The following ARID2 variants were observed in gnomAD, a reference collection of about 807,000 sequenced individuals.
ARID2 encodes the protein AT-rich interactive domain-containing protein 2.
ARID2 carries 32 observed loss-of-function variants against 184.6 expected under a neutral mutation model. The observed-to-expected ratio is 0.17, with a 90% CI of 0.13 to 0.23. The LOEUF is 0.23. Among genes scored for constraint, ARID2 ranks in the 10% least tolerant of loss-of-function variants. The probability of loss-of-function intolerance (pLI) is 1.00; values close to 1 mark genes in which losing one functional copy is unlikely to be tolerated. For synonymous variants in ARID2, 836 were observed against 772.6 expected (o/e 1.08, Z -1.36); for missense variants, 1,696 against 2,197.6 (o/e 0.77, Z 4.56).
intron 5 of ARID2, among the ~76,000 whole-genome samples, chr12:45,820,701 A>G (rs1330940959): frequency 6.6e-6 from 1 of 152,214 alleles, no homozygotes; most frequent in Non-Finnish European, 1.5e-5. Context: ...ATACTGCTTT[A>G]TAGTCTGATC....
chr12:45,875,379 C>G (rs570104835), intron 16 of ARID2, among the ~76,000 whole-genome samples: 2 of 152,318 alleles, frequency 1.3e-5, no homozygotes, highest in Non-Finnish European at 2.9e-5. Flanking sequence ...TGATGTTGCC[C>G]AGGCAATGTA....
chr12:45,766,167 T>C (rs1006558655), intron 3 of ARID2, among the ~76,000 whole-genome samples: 2 of 152,158 alleles, frequency 1.3e-5, no homozygotes, highest in African/African-American at 4.8e-5. Flanking sequence ...TAGGCATATA[T>C]TTAACTTTTT....
At chr12:45,758,394 CT>C (rs1225981426) in intron 3 of ARID2, among the ~76,000 whole-genome samples, 1 of 151,040 alleles carries the variant, frequency 6.6e-6, no homozygotes, top group Non-Finnish European at 1.5e-5. Context: ...TTTTGTGCGA[CT>C]TTTTTTTAAG....
At chr12:45,810,991 C>T (rs1241471779) in intron 3 of ARID2, among the ~76,000 whole-genome samples, 2 of 151,938 alleles carry the variant, frequency 1.3e-5, no homozygotes, top group African/African-American at 2.4e-5. Flanking sequence ...GGGTGGGTCA[C>T]GAGGTCAGGA....
At chr12:45,742,251 A>G (rs1265323382) in intron 3 of ARID2, among the ~76,000 whole-genome samples, 1 of 152,238 alleles carries the variant, frequency 6.6e-6, no homozygotes, top group Non-Finnish European at 1.5e-5. Context: ...TCATAAGAAT[A>G]TAATATTTTT....
rs182923327 is a variant in ARID2 at position 45,852,794 on chromosome 12, A to G, written c.4671A>G (p.Pro1557=). 8 of 1,614,036 alleles carry G rather than the reference A, an allele frequency of 5.0e-6. No individual in the cohort carries two copies. The Admixed American group carries it at 5.0e-5, about 10-fold the overall frequency. ...AGCSATMVAV[P]AGADPSTVAK... Reference sequence around the variant, plus strand: ...GCAGCGCAACAATGGTTGCTGTGCCAGCAGGAGCAGATCCAAGCACTGTAG... The same window carrying G: ...GCAGCGCAACAATGGTTGCTGTGCCGGCAGGAGCAGATCCAAGCACTGTAG... Residue 1557 remains proline, a synonymous_variant, in exon 15 of 21, where the codon CCA becomes CCG. Transcript: ENST00000334344.
At chr12:45,860,376 T>C (rs1943722232) in intron 15 of ARID2, among the ~76,000 whole-genome samples, 1 of 152,196 alleles carries the variant, frequency 6.6e-6, no homozygotes, top group African/African-American at 2.4e-5. Flanking sequence ...TGTTTCACAT[T>C]ATATTCTTTA....
chr12:45,783,330 TATATC>T (rs1373708613), intron 3 of ARID2, among the ~76,000 whole-genome samples: 15 of 152,272 alleles, frequency 9.9e-5, no homozygotes, highest in East Asian at 3.9e-4. Flanking sequence ...CAGTGAAAAA[TATATC>T]ATAACATGTA....
At chr12:45,901,413 G>A (rs760321056) in intron 20 of ARID2, among the ~76,000 whole-genome samples, 12 of 151,386 alleles carry the variant, frequency 7.9e-5, no homozygotes, top group Admixed American at 6.6e-4. Context: ...CTCGTGATCC[G>A]CCCTCCTCAG....
At chr12:45,811,277 G>T (rs1049381492) in intron 3 of ARID2, 141 bp from the exon 4 acceptor site, 7 of 871,986 alleles carry the variant, frequency 8.0e-6, no homozygotes, top group Non-Finnish European at 1.0e-5. Context: ...TGGAGTTACT[G>T]TTCTAATATA....
At chr12:45,900,117 G>A (rs933442987) in intron 20 of ARID2, among the ~76,000 whole-genome samples, 6 of 152,062 alleles carry the variant, frequency 3.9e-5, no homozygotes, top group Middle Eastern at 3.4e-3. Context: ...CTGGAGTTCC[G>A]TGGCGTGATC....
chr12:45,875,878 A>C (rs1944001319), intron 16 of ARID2, among the ~76,000 whole-genome samples: 1 of 152,186 alleles, frequency 6.6e-6, no homozygotes, highest in African/African-American at 2.4e-5. Context: ...GACTGGTTTG[A>C]TATTCTATCC....
intron 16 of ARID2, among the ~76,000 whole-genome samples, chr12:45,884,088 G>T (rs1325610826): frequency 6.6e-6 from 1 of 152,112 alleles, no homozygotes; most frequent in African/African-American, 2.4e-5. Flanking sequence ...CCAAGTTTAT[G>T]TTTAGCTTAT....
chr12:45,755,447 A>C (rs1941549688), intron 3 of ARID2, among the ~76,000 whole-genome samples: 1 of 152,228 alleles, frequency 6.6e-6, no homozygotes, highest in Admixed American at 6.5e-5. Flanking sequence ...ATACTAGACA[A>C]GGAAGTCACA....
chr12:45,852,901 GT>G lies in ARID2; in HGVS notation c.4773+7del. 2.6e-6 allele frequency: 4 copies of G among 1,552,108 alleles called. No individual in the cohort carries two copies. Among genetic ancestry groups the G allele is most frequent in the Non-Finnish European group, 3.5e-6 (4 of 1,149,732 alleles). On this transcript the variant is annotated splice_donor_region_variant and intron_variant, in intron 15 of 20. Coordinates refer to ENST00000334344, the MANE Select transcript of ARID2 (RefSeq NM_152641.4). ...GTACAGAATGTGGTCCCGCAGGTAA[GT>G]TATTCCATGATCACATTTCTCTTAT...
intron 16 of ARID2, among the ~76,000 whole-genome samples, chr12:45,862,183 C>G (rs1943761346): frequency 1.3e-5 from 2 of 151,854 alleles, no homozygotes; most frequent in Admixed American, 6.6e-5. Context: ...GTTTGTTTTT[C>G]TTTTCAATGA....
At chr12:45,783,261 C>T (rs1342449167) in intron 3 of ARID2, among the ~76,000 whole-genome samples, 1 of 151,962 alleles carries the variant, frequency 6.6e-6, no homozygotes, top group Non-Finnish European at 1.5e-5. Context: ...TTAATCTAGA[C>T]CAGCCTTAAT....
intron 3 of ARID2, among the ~76,000 whole-genome samples, chr12:45,760,213 A>G (rs754660248): frequency 2.0e-5 from 3 of 152,120 alleles, no homozygotes; most frequent in Non-Finnish European, 2.9e-5. Flanking sequence ...TTGTGTACAG[A>G]GTCTGTATTT....
At position 45,795,627 on chromosome 12, in the gene ARID2, G is replaced by C. The variant is rs1053770585; in HGVS notation, c.285-15791G>C. Among the ~76,000 whole-genome samples, 9 of 151,878 alleles carry C rather than the reference G, an allele frequency of 5.9e-5. No individual in the cohort carries two copies. In the South Asian group the frequency reaches 1.7e-3, roughly 28 times the overall value. On this transcript the variant is annotated intron_variant, in intron 3 of 20. Coordinates refer to ENST00000334344, the MANE Select transcript of ARID2 (RefSeq NM_152641.4). ...TTTTTTTGTATTTTTTACTAGAGACGGGGTTTCACTGTGTTAGCCAGGATG... is the reference window on the plus strand; with the variant it reads ...TTTTTTTGTATTTTTTACTAGAGACCGGGTTTCACTGTGTTAGCCAGGATG...
Sources: gnomAD v4.1 joint callset for allele counts (sites outside exome capture counted in the v4.1 genomes callset) on GRCh38, gnomAD v4.1.1 for gene constraint, MANE v1.5 for transcripts, NCBI Gene and HGNC (gene_info 2026-07-23, HGNC 2026-07-21) for gene names.